C7: variants seen among roughly 807,000 people sequenced by gnomAD.
C7 encodes the protein complement component C7.
Under a neutral mutation model 104.8 loss-of-function variants are expected in C7, and 83 were observed. The ratio of observed to expected loss-of-function variants is 0.79; its 90% CI spans 0.66 to 0.95. The LOEUF (loss-of-function observed/expected upper bound fraction) is 0.95, where lower values mean the gene tolerates loss of function less well. Ranked by LOEUF, C7 falls within the 40% of genes least tolerant of loss-of-function variation. The pLI, the probability that C7 is intolerant of heterozygous loss-of-function variation, is 0.00. For synonymous variants in C7, 415 were observed against 360.6 expected, an observed-to-expected ratio of 1.15 and a Z score of -1.71; for missense variants, 1,070 against 1,011.2, an observed-to-expected ratio of 1.06 and a Z score of -0.79.
intron 11 of C7, 72 bp from the exon 12 acceptor site, chr5:40,959,377 G>A (rs1242069562): frequency 6.7e-6 from 9 of 1,343,902 alleles, no homozygotes; most frequent in Non-Finnish European, 8.2e-6. Context: ...TAACTTGTTA[G>A]CAGGAAGCAT....
At position 40,958,091 on chromosome 5, in the gene C7, A is replaced by G. The variant is rs781040180; in HGVS notation, c.1319A>G (p.Tyr440Cys). 6.2e-7 allele frequency: 1 copy of G among 1,613,716 alleles called. No individual in the cohort carries two copies. The highest frequency in any genetic ancestry group is 1.6e-4 in the Middle Eastern group (1 of 6,062). ...EVPCASVKKLYLKWALEEYLD... is the reference protein window; with the variant it reads ...EVPCASVKKLCLKWALEEYLD... ...CCTTGTGCCTCTGTGAAAAAACTAT[A>G]CCTGAAATGGGCTCTTGAAGAGTAT... Residue 440 changes from tyrosine (Y) to cysteine (C), a missense_variant, in exon 11 of 18, where the codon TAC becomes TGC. Physicochemically the swap from Tyr to Cys is radical, Grantham distance 194. Transcript: ENST00000313164.
chr5:40,961,047 A>T (rs1435549147), intron 12 of C7, among the ~76,000 whole-genome samples: 1 of 152,182 alleles, frequency 6.6e-6, no homozygotes, highest in Non-Finnish European at 1.5e-5. Context: ...TTCACCAAAT[A>T]ATGTGCTTTC....
chr5:40,951,485 C>T (rs1410948327), intron 9 of C7, among the ~76,000 whole-genome samples: 1 of 152,070 alleles, frequency 6.6e-6, no homozygotes, highest in Non-Finnish European at 1.5e-5. Flanking sequence ...AGGGAGGAAT[C>T]AAGGGTTGAA....
chr5:40,958,012 A>G (rs757084889), intron 10 of C7, 21 bp from the exon 11 acceptor site: 6 of 1,555,954 alleles, frequency 3.9e-6, no homozygotes, highest in African/African-American at 1.4e-5. Flanking sequence ...ATTACTGACT[A>G]TAATGTCTTT....
intron 9 of C7, among the ~76,000 whole-genome samples, chr5:40,952,738 T>C (rs1191498913): frequency 2.0e-5 from 3 of 151,604 alleles, no homozygotes; most frequent in Non-Finnish European, 2.9e-5. Context: ...AGTGAGAACA[T>C]GCGGTGTTTG....
At chr5:40,973,349 T>A (rs1326368785) in intron 15 of C7, among the ~76,000 whole-genome samples, 1 of 152,216 alleles carries the variant, frequency 6.6e-6, no homozygotes, top group African/African-American at 2.4e-5. Context: ...AAAAACTCAC[T>A]TGCATACTAT....
rs571588317 is a variant in C7 at position 40,930,362 on chromosome 5, C to A, written c.63-702C>A. Among the ~76,000 whole-genome samples the A allele has an allele frequency of 3.2e-4, 48 of 151,642 alleles. 1 individual carries two copies. The South Asian group carries it at 0.01, about 32-fold the overall frequency. On this transcript the variant is annotated intron_variant, in intron 2 of 17. Coordinates refer to ENST00000313164, the MANE Select transcript of C7 (RefSeq NM_000587.4). ...CCGGGATTATAGGCATGCACCACCA[C>A]GCCTGGCTAATTTTTGTATTTTTAG...
At chr5:40,972,672 G>C (rs1740726823) in intron 15 of C7, 78 bp downstream of exon 15, 2 of 1,136,590 alleles carry the variant, frequency 1.8e-6, no homozygotes, top group Admixed American at 2.2e-5. Context: ...TCATGGTACT[G>C]TATCACCATA....
intron 14 of C7, 127 bp downstream of exon 14, chr5:40,965,000 C>T (rs180944829): frequency 9.1e-6 from 10 of 1,102,034 alleles, no homozygotes; most frequent in Non-Finnish European, 1.2e-5. Flanking sequence ...TGACATGATC[C>T]TGTTCAAGTT....
intron 6 of C7, among the ~76,000 whole-genome samples, chr5:40,942,200 G>A (rs1364735590): frequency 6.6e-6 from 1 of 152,180 alleles, no homozygotes; most frequent in African/African-American, 2.4e-5. Flanking sequence ...ATTTAAGGTG[G>A]TGAGATGGGA....
chr5:40,980,027 A>C, intron 17 of C7, 118 bp downstream of exon 17: 1 of 868,102 alleles, frequency 1.2e-6, no homozygotes, highest in Non-Finnish European at 1.7e-6. Context: ...GATGTTAAAG[A>C]CTCAGACTGA....
chr5:40,930,988 CTG>C, intron 2 of C7, 74 bp from the exon 3 acceptor site: 1 of 976,204 alleles, frequency 1.0e-6, no homozygotes, highest in Non-Finnish European at 1.6e-6. Flanking sequence ...CTATTTTTGA[CTG>C]TTTTCACTAT....
chr5:40,946,630 T>A (rs1740055697), intron 7 of C7, among the ~76,000 whole-genome samples: 1 of 152,166 alleles, frequency 6.6e-6, no homozygotes, highest in Non-Finnish European at 1.5e-5. Flanking sequence ...GGGAGATAAA[T>A]CATACCTACA....
intron 6 of C7, 98 bp downstream of exon 6, chr5:40,937,788 CT>C: frequency 1.0e-6 from 1 of 985,106 alleles, no homozygotes; most frequent in South Asian, 2.2e-5. Context: ...TACTTATGGC[CT>C]AATGTGTGGT....
chr5:40,979,575 GA>G, intron 16 of C7, 149 bp from the exon 17 acceptor site: 1 of 586,576 alleles, frequency 1.7e-6, no homozygotes, highest in Non-Finnish European at 2.9e-6. Context: ...ACCTAGGAAT[GA>G]AGGGGATTTG....
chr5:40,962,238 A>G (rs1401924660), intron 13 of C7, 66 bp downstream of exon 13: 10 of 956,290 alleles, frequency 1.0e-5, no homozygotes, highest in Non-Finnish European at 1.5e-5. Context: ...CTGAGCCCAT[A>G]ACCTATTTTC....
intron 3 of C7, among the ~76,000 whole-genome samples, chr5:40,933,543 G>C (rs1739741047): frequency 6.6e-6 from 1 of 152,264 alleles, no homozygotes; most frequent in South Asian, 2.1e-4. Context: ...AATTTCTTCA[G>C]TTTTCCTATA....
chr5:40,955,283 T>C, intron 9 of C7, 104 bp from the exon 10 acceptor site: 2 of 1,051,280 alleles, frequency 1.9e-6, no homozygotes, highest in Non-Finnish European at 2.8e-6. Context: ...ATTTATCTTT[T>C]GACTGTTTCC....
chr5:40,909,696 G>A (rs1739167383), intron 1 of C7, 80 bp downstream of exon 1: 2 of 1,105,460 alleles, frequency 1.8e-6, no homozygotes, highest in Non-Finnish European at 2.6e-6. Context: ...TAATTTAAAC[G>A]AAGAGGTGTA....
Sources: allele counts gnomAD v4.1 joint callset (sites outside exome capture counted in the v4.1 genomes callset), GRCh38; gene constraint gnomAD v4.1.1; transcripts MANE v1.5; gene names NCBI Gene and HGNC (gene_info 2026-07-23, HGNC 2026-07-21).